PPHLN1: variants seen among roughly 807,000 people sequenced by gnomAD.
The protein encoded by PPHLN1 is periphilin 1.
Under a neutral mutation model 51.3 loss-of-function variants are expected in PPHLN1, and 29 were observed. That is an observed-to-expected ratio of 0.57 (90% CI 0.42 to 0.77). PPHLN1 has a LOEUF of 0.77. Among genes scored for constraint, PPHLN1 ranks in the 30% least tolerant of loss-of-function variants. PPHLN1 has a pLI of 0.00. For missense variants in PPHLN1, 436 were observed against 438.4 expected (o/e 0.99, Z 0.05); for synonymous variants, 147 against 147.8 (o/e 0.99, Z 0.04).
chr12:42,438,624 CAG>C (rs1333033018), intron 9 of PPHLN1, among the ~76,000 whole-genome samples: 1 of 152,032 alleles, frequency 6.6e-6, no homozygotes, highest in Non-Finnish European at 1.5e-5. Context: ...TTTTTTGAGA[CAG>C]AGTCTCACTC....
chr12:42,417,339 A>G (rs954803621), intron 9 of PPHLN1, among the ~76,000 whole-genome samples: 15 of 152,156 alleles, frequency 9.9e-5, no homozygotes, highest in African/African-American at 2.9e-4. Context: ...AAAGGAAAAT[A>G]AAGGACAACA....
At chr12:42,429,232 A>G (rs1349374871) in intron 9 of PPHLN1, among the ~76,000 whole-genome samples, 17 of 152,168 alleles carry the variant, frequency 1.1e-4, no homozygotes, top group Admixed American at 9.8e-4. Flanking sequence ...ACTTTTCTCA[A>G]AATTCACTGA....
Position 42,382,065 on chromosome 12 carries a change from A to G in PPHLN1, c.512-2875A>G, listed in dbSNP as rs551364090. Among the ~76,000 whole-genome samples the G allele has an allele frequency of 6.6e-5, 10 of 152,172 alleles. No individual in the cohort carries two copies. In the South Asian group the frequency reaches 1.5e-3, roughly 22 times the overall value. ...ATCAGTGATGAATAGCACTTGATGTAGGAGGATTGGATAAATTTGGTTAGA... is the reference window on the plus strand; with the variant it reads ...ATCAGTGATGAATAGCACTTGATGTGGGAGGATTGGATAAATTTGGTTAGA... On this transcript the variant is annotated intron_variant, in intron 5 of 9. Transcript: ENST00000358314.
intron 9 of PPHLN1, among the ~76,000 whole-genome samples, chr12:42,434,895 T>G (rs2082347104): frequency 6.6e-6 from 1 of 152,192 alleles, no homozygotes; most frequent in African/African-American, 2.4e-5. Context: ...GCATTCACCA[T>G]GTTGGCCAGG....
At chr12:42,347,616 C>T (rs2072550208) in intron 2 of PPHLN1, among the ~76,000 whole-genome samples, 1 of 152,120 alleles carries the variant, frequency 6.6e-6, no homozygotes, top group Non-Finnish European at 1.5e-5. Context: ...CCTGTCTCTA[C>T]TAAAAATACA....
chr12:42,373,832 A>G (rs1419211908), intron 4 of PPHLN1, among the ~76,000 whole-genome samples: 2 of 152,262 alleles, frequency 1.3e-5, no homozygotes, highest in African/African-American at 4.8e-5. Context: ...GTAGTTATTT[A>G]GAGATGGGCA....
intron 9 of PPHLN1, among the ~76,000 whole-genome samples, chr12:42,424,403 C>G (rs1299886403): frequency 1.3e-5 from 2 of 152,208 alleles, no homozygotes; most frequent in African/African-American, 4.8e-5. Context: ...CCCTTGCCTC[C>G]TTTCCCCACC....
At chr12:42,342,654 A>T (rs760547929) in intron 2 of PPHLN1, among the ~76,000 whole-genome samples, 2 of 152,238 alleles carry the variant, frequency 1.3e-5, no homozygotes, top group East Asian at 1.9e-4. Flanking sequence ...GGCAATTACA[A>T]CAGAGCTGGG....
intron 2 of PPHLN1, among the ~76,000 whole-genome samples, chr12:42,340,983 CTT>C (rs552090682): frequency 1.9e-4 from 25 of 131,062 alleles, no homozygotes; most frequent in Non-Finnish European, 3.0e-4. Flanking sequence ...TTCTTTCTTT[CTT>C]TTTTTTTTTT....
At chr12:42,413,795 A>G (rs1206778956) in intron 9 of PPHLN1, among the ~76,000 whole-genome samples, 1 of 151,906 alleles carries the variant, frequency 6.6e-6, no homozygotes, top group Admixed American at 6.6e-5. Context: ...ACTTCTGACC[A>G]CAAGTGATCC....
chr12:42,381,226 G>A (rs2076732991), intron 5 of PPHLN1, among the ~76,000 whole-genome samples: 1 of 152,128 alleles, frequency 6.6e-6, no homozygotes, highest in Non-Finnish European at 1.5e-5. Flanking sequence ...GAGAGCTTTG[G>A]CTATGAGTTT....
chr12:42,388,086 A>G (rs907269154), intron 7 of PPHLN1, among the ~76,000 whole-genome samples: 2 of 152,194 alleles, frequency 1.3e-5, no homozygotes, highest in African/African-American at 2.4e-5. Context: ...AGTCTGAAAT[A>G]TGGCCTTGTG....
At chr12:42,383,432 A>G (rs1301084243) in intron 5 of PPHLN1, among the ~76,000 whole-genome samples, 2 of 152,246 alleles carry the variant, frequency 1.3e-5, no homozygotes, top group African/African-American at 4.8e-5. Context: ...GAGGCAGCTT[A>G]ATGAAATAAA....
intron 9 of PPHLN1, chr12:42,433,129 T>C: frequency 1.3e-6 from 1 of 775,490 alleles, no homozygotes; most frequent in Non-Finnish European, 2.4e-6. Flanking sequence ...TCATTGTAAG[T>C]AGCGTCACAA....
intron 4 of PPHLN1, among the ~76,000 whole-genome samples, chr12:42,359,871 G>T (rs1283856165): frequency 6.6e-6 from 1 of 152,102 alleles, no homozygotes; most frequent in Non-Finnish European, 1.5e-5. Flanking sequence ...ATTTTGGGAG[G>T]CTGAGACAGG....
chr12:42,406,375 C>T (rs375543122), intron 9 of PPHLN1, among the ~76,000 whole-genome samples: 196 of 152,276 alleles, frequency 1.3e-3, no homozygotes, highest in Middle Eastern at 3.4e-3. Flanking sequence ...CCACCGTGCC[C>T]GGCCTCTGTT....
intron 9 of PPHLN1, among the ~76,000 whole-genome samples, chr12:42,426,868 T>C (rs1461175618): frequency 6.6e-6 from 1 of 152,168 alleles, no homozygotes; most frequent in Non-Finnish European, 1.5e-5. Flanking sequence ...ATATATTGAA[T>C]TGTCTCTGAC....
chr12:42,356,977 T>G (rs990727232), intron 4 of PPHLN1, among the ~76,000 whole-genome samples: 1 of 152,174 alleles, frequency 6.6e-6, no homozygotes, highest in African/African-American at 2.4e-5. Flanking sequence ...CAAGGTCCAA[T>G]GTAATAAGAT....
intron 7 of PPHLN1, among the ~76,000 whole-genome samples, chr12:42,388,842 T>G (rs2077422699): frequency 6.6e-6 from 1 of 152,208 alleles, no homozygotes; most frequent in African/African-American, 2.4e-5. Context: ...TTCAGGAGGC[T>G]GAGGTGAGAG....
Sources: gnomAD v4.1 joint callset for allele counts (sites outside exome capture counted in the v4.1 genomes callset) on GRCh38, gnomAD v4.1.1 for gene constraint, MANE v1.5 for transcripts, NCBI Gene and HGNC (gene_info 2026-07-23, HGNC 2026-07-21) for gene names.